CLVS2: variants seen among roughly 807,000 people sequenced by gnomAD.
CLVS2 encodes clavesin-2.
Under a neutral mutation model 29.0 loss-of-function variants are expected in CLVS2, and 19 were observed. That is an observed-to-expected ratio of 0.66 (90% CI 0.46 to 0.96). The LOEUF is 0.96. Ranked by LOEUF, CLVS2 falls within the 40% of genes least tolerant of loss-of-function variation. The probability of loss-of-function intolerance (pLI) is 0.00; values close to 1 mark genes in which losing one functional copy is unlikely to be tolerated. For synonymous variants in CLVS2, 161 were observed against 151.3 expected (o/e 1.06, Z -0.47); for missense variants, 294 against 404.1 (o/e 0.73, Z 2.34).
intron 3 of CLVS2, among the ~76,000 whole-genome samples, chr6:123,022,291 G>C (rs761986970): frequency 6.6e-6 from 1 of 151,906 alleles, no homozygotes. Context: ...TGCCTCATTT[G>C]GTTTCTAGTA....
intron 3 of CLVS2, among the ~76,000 whole-genome samples, chr6:123,040,829 A>T (rs1775219578): frequency 7.0e-6 from 1 of 143,878 alleles, no homozygotes; most frequent in African/African-American, 2.6e-5. Context: ...AGTGATAATT[A>T]AGTGGCAAAA....
intron 3 of CLVS2, among the ~76,000 whole-genome samples, chr6:123,020,396 A>G (rs567728503): frequency 6.6e-6 from 1 of 152,110 alleles, no homozygotes; most frequent in Non-Finnish European, 1.5e-5. Context: ...GGGATGGTCA[A>G]ACTGTAGCAA....
intron 3 of CLVS2, among the ~76,000 whole-genome samples, chr6:123,016,109 A>T (rs566494282): frequency 6.0e-4 from 85 of 142,370 alleles, no homozygotes; most frequent in African/African-American, 2.1e-3. Context: ...ATTAGAAAGT[A>T]TTCGGCTTTG....
intron 3 of CLVS2, among the ~76,000 whole-genome samples, chr6:123,021,869 G>T (rs1454411505): frequency 1.3e-5 from 2 of 151,952 alleles, no homozygotes; most frequent in African/African-American, 4.8e-5. Context: ...CTGATATTTG[G>T]CTAGAATAGT....
intron 4 of CLVS2, among the ~76,000 whole-genome samples, chr6:123,050,413 T>C (rs563718296): frequency 1.3e-5 from 2 of 152,194 alleles, no homozygotes; most frequent in Non-Finnish European, 2.9e-5. Flanking sequence ...GAGTATATAT[T>C]GTTATTTTTC....
At chr6:123,056,631 A>C (rs1257229549) in intron 5 of CLVS2, among the ~76,000 whole-genome samples, 1 of 152,188 alleles carries the variant, frequency 6.6e-6, no homozygotes, top group Non-Finnish European at 1.5e-5. Flanking sequence ...GGTGGTTTTC[A>C]AATTGTATCC....
At chr6:123,024,377 T>G (rs969939636) in intron 3 of CLVS2, among the ~76,000 whole-genome samples, 2 of 152,144 alleles carry the variant, frequency 1.3e-5, no homozygotes, top group Non-Finnish European at 2.9e-5. Flanking sequence ...TGAAACCACA[T>G]GAAGAGATTT....
At chr6:123,033,772 A>T (rs1038684455) in intron 3 of CLVS2, among the ~76,000 whole-genome samples, 1 of 152,122 alleles carries the variant, frequency 6.6e-6, no homozygotes, top group Non-Finnish European at 1.5e-5. Flanking sequence ...AAAGGATGAA[A>T]AGATAAGCCA....
rs1004214627 is a variant in CLVS2 at position 123,066,874 on chromosome 6, T to C, written c.*3113T>C. 16 of 151,698 alleles carry C rather than the reference T, an allele frequency of 1.1e-4. No homozygotes were observed. The highest frequency in any genetic ancestry group is 1.8e-4 in the Non-Finnish European group (12 of 67,718). The allele number at this position is 151,698 out of a possible 1,614,324, so 9.4% of individuals were successfully genotyped here. A position where few individuals can be genotyped will look rare whatever the true frequency, so the allele number is the denominator to read the frequency against. ...GATATTTAAGGCCTTTATTTGAACA[T>C]ACTCATACAGTATTAAGTCTCTGTT... On this transcript the variant is annotated 3_prime_UTR_variant, in exon 6 of 6. Transcript: ENST00000275162.
chr6:123,007,378 A>G (rs1231661752), intron 2 of CLVS2, among the ~76,000 whole-genome samples: 1 of 152,220 alleles, frequency 6.6e-6, no homozygotes, highest in Non-Finnish European at 1.5e-5. Flanking sequence ...TTAGGCAAAT[A>G]ATCAAGGATC....
At position 123,069,897 on chromosome 6, in the gene CLVS2, T is replaced by G. The variant is rs1405228769; in HGVS notation, c.*6136T>G. Reference sequence around the variant, plus strand: ...AAAATAAATATGCTGTTTTCCTCCCTTTTTTCTAATTGGCATCATAAAAGT... The same window carrying G: ...AAAATAAATATGCTGTTTTCCTCCCGTTTTTCTAATTGGCATCATAAAAGT... On this transcript the variant is annotated 3_prime_UTR_variant, in exon 6 of 6. Coordinates refer to ENST00000275162, the MANE Select transcript of CLVS2 (RefSeq NM_001010852.4). 6.6e-6 allele frequency: 1 copy of G among 151,850 alleles called. No individual in the cohort carries two copies. Among genetic ancestry groups the G allele is most frequent in the African/African-American group, 2.4e-5 (1 of 41,390 alleles). The allele number at this position is 151,850 out of a possible 1,614,324, so 9.4% of individuals were successfully genotyped here. A position where few individuals can be genotyped will look rare whatever the true frequency, so the allele number is the denominator to read the frequency against.
In CLVS2 at chr6:123,063,870, A is replaced by T. The variant is rs1772814924; in HGVS notation, c.*109A>T. On this transcript the variant is annotated 3_prime_UTR_variant, in exon 6 of 6. Transcript: ENST00000275162. ...AGCTGGAAACCGACTTATTCATGTT[A>T]ATGTAGCATAATATATAACAAGGCA... 1.4e-6 allele frequency: 1 copy of T among 699,548 alleles called. No individual in the cohort carries two copies. The highest frequency in any genetic ancestry group is 2.3e-5 in the Admixed American group (1 of 42,994). The allele number at this position is 699,548 out of a possible 1,614,324, so 43.3% of individuals were successfully genotyped here. A position where few individuals can be genotyped will look rare whatever the true frequency, so the allele number is the denominator to read the frequency against.
At chr6:123,020,061 T>C (rs1774897717) in intron 3 of CLVS2, among the ~76,000 whole-genome samples, 1 of 152,044 alleles carries the variant, frequency 6.6e-6, no homozygotes. Flanking sequence ...TCCATTCAAA[T>C]GTTAACCCTA....
At chr6:123,063,120 G>C (rs954910146) in intron 5 of CLVS2, among the ~76,000 whole-genome samples, 8 of 152,000 alleles carry the variant, frequency 5.3e-5, no homozygotes, top group Non-Finnish European at 1.2e-4. Flanking sequence ...GATTTTATTT[G>C]GATATTCTAC....
intron 3 of CLVS2, among the ~76,000 whole-genome samples, chr6:123,041,048 A>T (rs993266002): frequency 6.6e-6 from 1 of 152,136 alleles, no homozygotes; most frequent in Non-Finnish European, 1.5e-5. Flanking sequence ...ATGGGCCTGC[A>T]TTTTCATAAA....
intron 3 of CLVS2, among the ~76,000 whole-genome samples, chr6:123,031,965 A>G (rs1169120620): frequency 6.6e-6 from 1 of 152,094 alleles, no homozygotes; most frequent in Non-Finnish European, 1.5e-5. Context: ...TAGTGCCAAT[A>G]TCTTATAGTT....
chr6:123,035,053 T>C (rs1775132716), intron 3 of CLVS2, among the ~76,000 whole-genome samples: 1 of 152,164 alleles, frequency 6.6e-6, no homozygotes, highest in Non-Finnish European at 1.5e-5. Context: ...GTTTATTATA[T>C]CTTTTGAAGA....
chr6:123,016,943 C>T (rs755694310), intron 3 of CLVS2, among the ~76,000 whole-genome samples: 12 of 152,038 alleles, frequency 7.9e-5, no homozygotes, highest in Non-Finnish European at 1.5e-4. Flanking sequence ...TTGCCAAAAA[C>T]GCAGGACATG....
At chr6:123,052,136 A>G (rs1381515866) in intron 4 of CLVS2, among the ~76,000 whole-genome samples, 1 of 152,218 alleles carries the variant, frequency 6.6e-6, no homozygotes, top group Non-Finnish European at 1.5e-5. Context: ...TATATGATAT[A>G]TTAGAAGTTG....
Sources: gnomAD v4.1 joint callset for allele counts (sites outside exome capture counted in the v4.1 genomes callset) on GRCh38, gnomAD v4.1.1 for gene constraint, MANE v1.5 for transcripts, NCBI Gene and HGNC (gene_info 2026-07-23, HGNC 2026-07-21) for gene names.